ITSN1: variants seen among roughly 807,000 people sequenced by gnomAD.
ITSN1 encodes the protein intersectin 1, also known as intersectin-1.
ITSN1 carries 58 observed loss-of-function variants against 239.8 expected under a neutral mutation model. The observed-to-expected ratio is 0.24, with a 90% CI of 0.20 to 0.30. ITSN1 has a LOEUF of 0.30. Among genes scored for constraint, ITSN1 ranks in the 10% least tolerant of loss-of-function variants. The probability of loss-of-function intolerance (pLI) is 1.00; values close to 1 mark genes in which losing one functional copy is unlikely to be tolerated. For missense variants in ITSN1, 1,558 were observed against 2,103.3 expected (o/e 0.74, Z 5.07); for synonymous variants, 780 against 770.8 (o/e 1.01, Z -0.20).
chr21:33,853,877 T>C (rs919334515), intron 29 of ITSN1, among the ~76,000 whole-genome samples: 1 of 152,066 alleles, frequency 6.6e-6, no homozygotes, highest in Non-Finnish European at 1.5e-5. Flanking sequence ...GACCTCAACA[T>C]GGTGGGGAAG....
chr21:33,723,102 TTGAC>T (rs1302572046), intron 4 of ITSN1, among the ~76,000 whole-genome samples: 1 of 152,238 alleles, frequency 6.6e-6, no homozygotes, highest in African/African-American at 2.4e-5. Context: ...AGTGAATTAT[TTGAC>T]TATCACAAAT....
chr21:33,740,634 A>G (rs2066786818), intron 5 of ITSN1, among the ~76,000 whole-genome samples: 1 of 152,198 alleles, frequency 6.6e-6, no homozygotes, highest in Non-Finnish European at 1.5e-5. Flanking sequence ...AGAGAATTTC[A>G]AGAATTAAGA....
chr21:33,759,148 T>C (rs775826994), intron 8 of ITSN1, among the ~76,000 whole-genome samples: 5 of 152,218 alleles, frequency 3.3e-5, no homozygotes, highest in Non-Finnish European at 7.3e-5. Flanking sequence ...CTACTCAACT[T>C]TGCCATCGTA....
At chr21:33,751,775 G>A (rs751400010) in intron 6 of ITSN1, 35 bp from the exon 7 acceptor site, 30 of 1,478,552 alleles carry the variant, frequency 2.0e-5, no homozygotes, top group Non-Finnish European at 2.5e-5. Context: ...TCTTATCTTT[G>A]TAGAATTAAA....
In ITSN1 at chr21:33,664,932, A is replaced by T. The variant is rs375413566; in HGVS notation, c.-33+22219A>T. ...AAGAGATGAGAGGAAAAGATGCATG[A>T]TAGGCTTAAATTGCTCTCATCTACT... On this transcript the variant is annotated intron_variant, in intron 1 of 39. Coordinates refer to ENST00000381318, the MANE Select transcript of ITSN1 (RefSeq NM_003024.3). Among the ~76,000 whole-genome samples the T allele has an allele frequency of 2.0e-4, 30 of 149,040 alleles. 1 individual carries two copies. The East Asian group carries it at 3.7e-3, about 18-fold the overall frequency.
At chr21:33,716,054 G>C (rs2065118884) in intron 1 of ITSN1, among the ~76,000 whole-genome samples, 1 of 152,170 alleles carries the variant, frequency 6.6e-6, no homozygotes, top group African/African-American at 2.4e-5. Flanking sequence ...AGTAGTAACT[G>C]AGTTCACAGA....
intron 1 of ITSN1, among the ~76,000 whole-genome samples, chr21:33,708,890 G>A (rs892896122): frequency 2.6e-5 from 4 of 152,246 alleles, no homozygotes; most frequent in Admixed American, 6.5e-5. Flanking sequence ...ATATCCAGTT[G>A]ATCCACTTTG....
chr21:33,832,538 GA>G (rs2074356138), intron 27 of ITSN1, among the ~76,000 whole-genome samples: 1 of 152,186 alleles, frequency 6.6e-6, no homozygotes, highest in South Asian at 2.1e-4. Context: ...GCTGTCACCA[GA>G]GTGACTCTCA....
chr21:33,710,742 TTTC>T lies in ITSN1; in HGVS notation c.-32-8049_-32-8047del, dbSNP rs558089893. On this transcript the variant is annotated intron_variant, in intron 1 of 39. Transcript: ENST00000381318. Reference sequence around the variant, plus strand: ...AAAACTTTTCATAATTTTTGTATTATTTCTTCTTTGAAAGAATTCACCAGTGAA... The same window carrying T: ...AAAACTTTTCATAATTTTTGTATTATTTCTTTGAAAGAATTCACCAGTGAA... Among the ~76,000 whole-genome samples, 6 of 151,992 alleles carry T rather than the reference TTTC, an allele frequency of 3.9e-5. 1 individual carries two copies. The South Asian group carries it at 1.2e-3, about 32-fold the overall frequency.
chr21:33,708,991 C>CT (rs2092333494), intron 1 of ITSN1, among the ~76,000 whole-genome samples: 1 of 152,144 alleles, frequency 6.6e-6, no homozygotes, highest in Non-Finnish European at 1.5e-5. Context: ...CTGAACTCTT[C>CT]TTTTCTGTTT....
rs552767518 is a variant in ITSN1 at position 33,853,973 on chromosome 21, G to A, written c.3662-2763G>A. Among the ~76,000 whole-genome samples, 33 of 152,314 alleles carry A rather than the reference G, an allele frequency of 2.2e-4. 1 individual carries two copies. Among genetic ancestry groups the A allele is most frequent in the Admixed American group, 2.0e-3 (30 of 15,294 alleles). On this transcript the variant is annotated intron_variant, in intron 29 of 39. Coordinates refer to ENST00000381318, the MANE Select transcript of ITSN1 (RefSeq NM_003024.3). ...CAGGTTCTTAGCTATGCCCTGGAGG[G>A]CAGGAGTCTCTCCTCTTCTGTCCTG... is the stretch of plus-strand genomic sequence containing the variant.
intron 1 of ITSN1, among the ~76,000 whole-genome samples, chr21:33,679,466 T>G (rs1004542686): frequency 6.6e-6 from 1 of 152,206 alleles, no homozygotes; most frequent in Non-Finnish European, 1.5e-5. Flanking sequence ...CAGTTGTATT[T>G]TAAGTTATTG....
At chr21:33,800,687 G>A in intron 19 of ITSN1, among the ~76,000 whole-genome samples, 1 of 151,892 alleles carries the variant, frequency 6.6e-6, no homozygotes, top group Non-Finnish European at 1.5e-5. Flanking sequence ...AATCAGACAT[G>A]GTTGATCTAA....
chr21:33,660,728 C>G (rs969596817), intron 1 of ITSN1, among the ~76,000 whole-genome samples: 1 of 152,090 alleles, frequency 6.6e-6, no homozygotes, highest in Non-Finnish European at 1.5e-5. Context: ...GATACTGTAC[C>G]AAAACTTGAC....
intron 20 of ITSN1, among the ~76,000 whole-genome samples, chr21:33,808,111 C>G (rs1479442723): frequency 6.6e-6 from 1 of 151,306 alleles, no homozygotes; most frequent in African/African-American, 2.4e-5. Context: ...GGCATGAACC[C>G]GGGAAGCGGA....
Position 33,750,260 on chromosome 21 carries a change from T to A in ITSN1, c.464T>A (p.Val155Glu). Residue 155 changes from valine to glutamate, a missense_variant, in exon 6 of 40, where the codon GTG becomes GAG. Coordinates refer to ENST00000381318, the MANE Select transcript of ITSN1 (RefSeq NM_003024.3). ...TLVSSVPTAA[V>E]PPLANGAPPV... ...GTATCTTCTGTTCCCACAGCAGCTGTGCCCCCCCTGGCTAACGGGGCTCCC... is the reference window on the plus strand; with the variant it reads ...GTATCTTCTGTTCCCACAGCAGCTGAGCCCCCCCTGGCTAACGGGGCTCCC... 6.2e-7 allele frequency: 1 copy of A among 1,614,142 alleles called. No individual in the cohort carries two copies. Among genetic ancestry groups the A allele is most frequent in the Non-Finnish European group, 8.5e-7 (1 of 1,180,024 alleles).
At chr21:33,657,639 G>T (rs763776342) in intron 1 of ITSN1, among the ~76,000 whole-genome samples, 24 of 152,290 alleles carry the variant, frequency 1.6e-4, no homozygotes, top group Non-Finnish European at 2.2e-4. Context: ...TAAAGTGTAT[G>T]GTTGACCTTT....
intron 5 of ITSN1, among the ~76,000 whole-genome samples, chr21:33,746,057 T>G (rs2067159418): frequency 6.6e-6 from 1 of 152,210 alleles, no homozygotes. Context: ...GGCTGACTAC[T>G]GTGCTACAAA....
intron 5 of ITSN1, 154 bp downstream of exon 5, chr21:33,735,358 GAGA>G (rs762620218): frequency 9.0e-6 from 7 of 779,380 alleles, no homozygotes; most frequent in Non-Finnish European, 4.5e-6. Context: ...TAGTGCTGGG[GAGA>G]AGAAGGAGCA....
Sources: gnomAD v4.1 joint callset for allele counts (sites outside exome capture counted in the v4.1 genomes callset) on GRCh38, gnomAD v4.1.1 for gene constraint, MANE v1.5 for transcripts, NCBI Gene and HGNC (gene_info 2026-07-23, HGNC 2026-07-21) for gene names.